OPHN1: variants seen among roughly 807,000 people sequenced by gnomAD.
OPHN1 encodes oligophrenin-1.
OPHN1 carries 11 observed loss-of-function variants against 60.7 expected under a neutral mutation model. That is an observed-to-expected ratio of 0.18 (90% CI 0.11 to 0.30). OPHN1 has a LOEUF of 0.30. Ranked by LOEUF, OPHN1 falls within the 10% of genes least tolerant of loss-of-function variation. The probability of loss-of-function intolerance (pLI) is 1.00; values close to 1 mark genes in which losing one functional copy is unlikely to be tolerated. For synonymous variants in OPHN1, 226 were observed against 222.6 expected, an observed-to-expected ratio of 1.02 and a Z score of -0.14; for missense variants, 449 against 611.0, an observed-to-expected ratio of 0.73 and a Z score of 2.80.
chrX:68,401,661 G>A (rs1274901653), intron 2 of OPHN1, among the ~76,000 whole-genome samples: 1 of 111,741 alleles, frequency 8.9e-6, no homozygotes, highest in East Asian at 2.8e-4. Context: ...GTTCAAATGA[G>A]GAAGAAATCA....
At chrX:68,212,635 T>C (rs1361152284) in intron 7 of OPHN1, among the ~76,000 whole-genome samples, 1 of 112,176 alleles carries the variant, frequency 8.9e-6, no homozygotes, top group Non-Finnish European at 1.9e-5. Flanking sequence ...CCATGGTGTT[T>C]ACCCAGTATA....
chrX:68,152,859 A>C (rs2077291272), intron 15 of OPHN1, among the ~76,000 whole-genome samples: 1 of 111,398 alleles, frequency 9.0e-6, no homozygotes, highest in Non-Finnish European at 1.9e-5. Context: ...ACATGTATAG[A>C]GAGTAGGGGA....
intron 6 of OPHN1, among the ~76,000 whole-genome samples, chrX:68,225,075 T>C (rs112252288): frequency 0.092 from 10,368 of 112,100 alleles, 503 homozygotes; most frequent in Middle Eastern, 0.16. Context: ...GGAGATTATA[T>C]ACCATGCATG....
At chrX:68,147,972 T>C (rs1016267815) in intron 15 of OPHN1, among the ~76,000 whole-genome samples, 26 of 111,540 alleles carry the variant, frequency 2.3e-4, no homozygotes, top group African/African-American at 7.8e-4. Context: ...GTAAGGGAAA[T>C]GAAGGTTTCC....
At chrX:68,243,534 C>T (rs139577302) in intron 5 of OPHN1, among the ~76,000 whole-genome samples, 2,327 of 110,699 alleles carry the variant, frequency 0.021, 34 homozygotes, top group Middle Eastern at 0.038. Flanking sequence ...ATTACAGGCA[C>T]CCACCATCAC....
At chrX:68,166,857 C>A (rs1242211909) in intron 15 of OPHN1, among the ~76,000 whole-genome samples, 1 of 111,993 alleles carries the variant, frequency 8.9e-6, no homozygotes, top group Admixed American at 9.5e-5. Flanking sequence ...GAAACTAGAA[C>A]CCTATCTCTT....
intron 2 of OPHN1, among the ~76,000 whole-genome samples, chrX:68,324,439 C>T (rs1374686892): frequency 1.1e-5 from 1 of 94,715 alleles, no homozygotes; most frequent in Non-Finnish European, 2.0e-5. Flanking sequence ...TCCGTCTCTA[C>T]AAAAATTAAA....
chrX:68,397,800 G>A (rs1432334269), intron 2 of OPHN1, among the ~76,000 whole-genome samples: 1 of 110,868 alleles, frequency 9.0e-6, no homozygotes, highest in Non-Finnish European at 1.9e-5. Flanking sequence ...TGGGATTATA[G>A]GCATGAGCCA....
At chrX:68,405,752 C>A (rs1362191614) in intron 2 of OPHN1, among the ~76,000 whole-genome samples, 1 of 111,950 alleles carries the variant, frequency 8.9e-6, no homozygotes, top group Non-Finnish European at 1.9e-5. Context: ...TCCACATTCC[C>A]ATTTTTTAAC....
intron 6 of OPHN1, among the ~76,000 whole-genome samples, chrX:68,226,096 T>C (rs1467328238): frequency 8.9e-6 from 1 of 111,809 alleles, no homozygotes; most frequent in Non-Finnish European, 1.9e-5. Flanking sequence ...CAAGCTTCAG[T>C]AGCCGATTCG....
chrX:68,068,313 T>C (rs151305019), intron 20 of OPHN1, among the ~76,000 whole-genome samples: 7,532 of 107,741 alleles, frequency 0.07, 682 homozygotes, highest in African/African-American at 0.24. Context: ...CTACTAAAAA[T>C]ACAAAAAATT....
intron 5 of OPHN1, among the ~76,000 whole-genome samples, chrX:68,235,205 C>T (rs1274148520): frequency 8.9e-6 from 1 of 112,148 alleles, no homozygotes; most frequent in Non-Finnish European, 1.9e-5. Flanking sequence ...TCAGCCTTTA[C>T]TCTTCTCGAG....
At chrX:68,290,498 C>A (rs1482341767) in intron 3 of OPHN1, among the ~76,000 whole-genome samples, 1 of 110,196 alleles carries the variant, frequency 9.1e-6, no homozygotes, top group Non-Finnish European at 1.9e-5. Context: ...ACCCAGGAGG[C>A]TGAGGCAGGA....
chrX:68,213,536 G>C (rs1345540669), intron 7 of OPHN1, among the ~76,000 whole-genome samples: 1 of 109,217 alleles, frequency 9.2e-6, no homozygotes, highest in Non-Finnish European at 1.9e-5. Context: ...ACTTTCAGAA[G>C]CTTCTGAAAG....
At chrX:68,404,735 A>G (rs144607486) in intron 2 of OPHN1, among the ~76,000 whole-genome samples, 1,365 of 112,141 alleles carry the variant, frequency 0.012, 26 homozygotes, top group African/African-American at 0.042. Flanking sequence ...CTTAAAAAAG[A>G]ATAAACCAAA....
Position 68,043,722 on chromosome X carries a change from T to C in OPHN1, c.*3450A>G, listed in dbSNP as rs1324422681. On this transcript the variant is annotated 3_prime_UTR_variant, in exon 25 of 25. Coordinates refer to ENST00000355520, the MANE Select transcript of OPHN1 (RefSeq NM_002547.3). Reference sequence around the variant, plus strand: ...CAGTGGCTGAACACCCCCAACCTTTTAAAAAACAAAAACTTCAAAAATAAA... The same window carrying C: ...CAGTGGCTGAACACCCCCAACCTTTCAAAAAACAAAAACTTCAAAAATAAA... 1 of 112,178 alleles carries C rather than the reference T, an allele frequency of 8.9e-6. No individual in the cohort carries two copies. The highest frequency in any genetic ancestry group is 1.9e-5 in the Non-Finnish European group (1 of 53,253). 9.2% of individuals were successfully genotyped at this position (112,178 alleles called of 1,213,427 possible). A position where few individuals can be genotyped will look rare whatever the true frequency, so the allele number is the denominator to read the frequency against.
At chrX:68,358,918 C>T (rs1270977774) in intron 2 of OPHN1, among the ~76,000 whole-genome samples, 1 of 111,736 alleles carries the variant, frequency 8.9e-6, no homozygotes, top group Non-Finnish European at 1.9e-5. Flanking sequence ...ACTACCACTG[C>T]CAAAAGCCCC....
At chrX:68,306,328 G>T (rs1434659718) in intron 2 of OPHN1, among the ~76,000 whole-genome samples, 1 of 112,061 alleles carries the variant, frequency 8.9e-6, no homozygotes, top group African/African-American at 3.2e-5. Context: ...GCTTTTAGGG[G>T]GAAGCCAGGT....
intron 18 of OPHN1, among the ~76,000 whole-genome samples, chrX:68,099,423 G>A (rs1284347670): frequency 9.0e-6 from 1 of 111,372 alleles, no homozygotes; most frequent in Non-Finnish European, 1.9e-5. Context: ...AGAGGGGCAA[G>A]GCAGGTAACT....
Sources: gnomAD v4.1 joint callset for allele counts (sites outside exome capture counted in the v4.1 genomes callset) on GRCh38, gnomAD v4.1.1 for gene constraint, MANE v1.5 for transcripts, NCBI Gene and HGNC (gene_info 2026-07-23, HGNC 2026-07-21) for gene names.